The following RHEB variants were observed in gnomAD, a reference collection of about 807,000 sequenced individuals.
RHEB encodes GTP-binding protein Rheb.
A neutral mutation model predicts 28.8 loss-of-function variants in RHEB; 2 were observed. The observed-to-expected ratio is 0.07, with a 90% CI of 0.03 to 0.22. RHEB has a LOEUF of 0.22. Ranked by LOEUF, RHEB falls within the 10% of genes least tolerant of loss-of-function variation. The pLI is 1.00. For missense variants in RHEB, 76 were observed against 219.9 expected (o/e 0.35, Z 4.14); for synonymous variants, 69 against 77.3 (o/e 0.89, Z 0.56).
intron 1 of RHEB, among the ~76,000 whole-genome samples, chr7:151,493,006 A>AT (rs1054400773): frequency 2.6e-5 from 4 of 151,246 alleles, no homozygotes; most frequent in South Asian, 2.1e-4. Context: ...CACCTGACTA[A>AT]TTTTTTTTGT....
chr7:151,474,342 G>T (rs1251891736), intron 4 of RHEB, among the ~76,000 whole-genome samples: 1 of 151,988 alleles, frequency 6.6e-6, no homozygotes, highest in South Asian at 2.1e-4. Flanking sequence ...CACCACACCC[G>T]GGTAATTTTT....
chr7:151,490,941 A>G lies in RHEB; in HGVS notation c.124+2T>C, dbSNP rs1477943984. On this transcript the variant is annotated splice_donor_variant, in intron 2 of 7. Coordinates refer to ENST00000262187, the MANE Select transcript of RHEB (RefSeq NM_005614.4). LOFTEE classifies it high-confidence loss of function. Reference sequence around the variant, plus strand: ...TTTTAAGTACTTGAAAACAATACTTACTGTTTTCTATGGTTGGATCGTAGG... The same window carrying G: ...TTTTAAGTACTTGAAAACAATACTTGCTGTTTTCTATGGTTGGATCGTAGG... 2.5e-6 allele frequency: 4 copies of G among 1,605,768 alleles called. No homozygotes were observed. The highest frequency in any genetic ancestry group is 2.6e-6 in the Non-Finnish European group (3 of 1,172,614).
chr7:151,486,291 G>T (rs1464901105), intron 2 of RHEB, among the ~76,000 whole-genome samples: 1 of 152,154 alleles, frequency 6.6e-6, no homozygotes, highest in Non-Finnish European at 1.5e-5. Context: ...TGATGACAAG[G>T]TTACTGAAAG....
intron 1 of RHEB, among the ~76,000 whole-genome samples, chr7:151,499,249 TG>T (rs150919048): frequency 0.012 from 1,902 of 152,282 alleles, 32 homozygotes; most frequent in African/African-American, 0.043. Context: ...TCCCAATTAC[TG>T]GGGAGGCTGA....
At chr7:151,479,405 G>A (rs1006955143) in intron 3 of RHEB, among the ~76,000 whole-genome samples, 4 of 152,028 alleles carry the variant, frequency 2.6e-5, no homozygotes, top group African/African-American at 7.2e-5. Context: ...TAATAAGGCC[G>A]GGCACAATGG....
rs4015373 is a variant in RHEB, at chr7:151,519,561, T to C, written c.-50A>G. 1 of 1,495,704 alleles carries C rather than the reference T, an allele frequency of 6.7e-7. No individual in the cohort carries two copies. Among genetic ancestry groups the C allele is most frequent in the Non-Finnish European group, 9.0e-7 (1 of 1,115,850 alleles). The allele number at this position is 1,495,704 out of a possible 1,614,324, so 92.7% of individuals were successfully genotyped here. A position where few individuals can be genotyped will look rare whatever the true frequency, so the allele number is the denominator to read the frequency against. On this transcript the variant is annotated 5_prime_UTR_variant, in exon 1 of 8. Transcript: ENST00000262187. Reference sequence around the variant, plus strand: ...CCAACCACATCAACCGCGGCGGCGGTGGCTCCTGCTGCTGTGATCGGCGGC... The same window carrying C: ...CCAACCACATCAACCGCGGCGGCGGCGGCTCCTGCTGCTGTGATCGGCGGC...
chr7:151,493,038 TC>T (rs1412367808), intron 1 of RHEB, among the ~76,000 whole-genome samples: 1 of 152,044 alleles, frequency 6.6e-6, no homozygotes, highest in Non-Finnish European at 1.5e-5. Context: ...AGACAGGGTT[TC>T]ACCACATTGG....
At chr7:151,473,842 A>G (rs1352326884) in intron 4 of RHEB, among the ~76,000 whole-genome samples, 2 of 152,246 alleles carry the variant, frequency 1.3e-5, no homozygotes, top group Non-Finnish European at 1.5e-5. Flanking sequence ...TCTGAAAACT[A>G]GAAGTTGAAT....
intron 1 of RHEB, among the ~76,000 whole-genome samples, chr7:151,509,140 A>G (rs3827805): frequency 0.51 from 78,022 of 152,044 alleles, 20,145 homozygotes; most frequent in South Asian, 0.6. Flanking sequence ...TGAGTGGGCA[A>G]CGTGAGCGTG....
At chr7:151,487,030 G>T (rs1802488880) in intron 2 of RHEB, among the ~76,000 whole-genome samples, 1 of 152,202 alleles carries the variant, frequency 6.6e-6, no homozygotes, top group Non-Finnish European at 1.5e-5. Context: ...AAAAGCCCAG[G>T]ATGTAGTGGC....
chr7:151,507,882 A>C (rs1016674484), intron 1 of RHEB, among the ~76,000 whole-genome samples: 1 of 152,220 alleles, frequency 6.6e-6, no homozygotes, highest in African/African-American at 2.4e-5. Flanking sequence ...TCAGTTTCAT[A>C]AATGAAGAAT....
At chr7:151,475,972 T>G (rs1802264501) in intron 4 of RHEB, among the ~76,000 whole-genome samples, 1 of 152,224 alleles carries the variant, frequency 6.6e-6, no homozygotes. Context: ...ACAGTATCTA[T>G]GCTTAGGTAA....
At chr7:151,484,925 G>A in intron 2 of RHEB, 121 bp from the exon 3 acceptor site, 1 of 620,548 alleles carries the variant, frequency 1.6e-6, no homozygotes, top group Non-Finnish European at 2.8e-6. Flanking sequence ...AAGGCCCCAT[G>A]AAACAAAAAA....
intron 3 of RHEB, 115 bp downstream of exon 3, chr7:151,484,622 T>C: frequency 1.4e-6 from 1 of 730,584 alleles, no homozygotes; most frequent in Non-Finnish European, 2.4e-6. Context: ...TCAGGGACTG[T>C]CTGCACACAA....
chr7:151,489,903 G>C (rs1802548554), intron 2 of RHEB, among the ~76,000 whole-genome samples: 1 of 152,232 alleles, frequency 6.6e-6, no homozygotes, highest in Admixed American at 6.5e-5. Context: ...TTTACTGTCA[G>C]CCAAAGCATT....
At chr7:151,502,703 T>C in intron 1 of RHEB, 1 of 1,609,066 alleles carries the variant, frequency 6.2e-7, no homozygotes, top group Non-Finnish European at 8.5e-7. Context: ...AAATTCACTG[T>C]GGATCTCCCA....
intron 3 of RHEB, among the ~76,000 whole-genome samples, chr7:151,478,679 A>C (rs952697017): frequency 7.2e-5 from 11 of 151,980 alleles, no homozygotes; most frequent in Admixed American, 4.6e-4. Context: ...CTTGTTGCCC[A>C]GGCTGGAATG....
chr7:151,510,972 G>A (rs539514647), intron 1 of RHEB, among the ~76,000 whole-genome samples: 5 of 152,254 alleles, frequency 3.3e-5, no homozygotes, highest in South Asian at 2.1e-4. Flanking sequence ...CCAGCTGCTC[G>A]GGAGGCTGAG....
Position 151,502,350 on chromosome 7 carries a change from T to C in RHEB, c.53-11336A>G. The C allele has an allele frequency of 4.8e-6, 4 of 834,332 alleles. No homozygotes were observed. In the South Asian group the frequency reaches 5.5e-5, roughly 11 times the overall value. 51.7% of individuals were successfully genotyped at this position (834,332 alleles called of 1,614,324 possible). On this transcript the variant is annotated intron_variant, in intron 1 of 7. Coordinates refer to ENST00000262187, the MANE Select transcript of RHEB (RefSeq NM_005614.4). ...GTGGCAAAAATGTTATCAGATGAGT[T>C]TGGAACTGCATCTAACATTAAGGCA...
Sources: allele counts gnomAD v4.1 joint callset (sites outside exome capture counted in the v4.1 genomes callset), GRCh38; gene constraint gnomAD v4.1.1; transcripts MANE v1.5; gene names NCBI Gene and HGNC (gene_info 2026-07-23, HGNC 2026-07-21).